The following PRMT8 variants were observed in gnomAD, a reference collection of about 807,000 sequenced individuals.
PRMT8 encodes protein arginine N-methyltransferase 8.
In PRMT8, 7 loss-of-function variants were observed where a neutral mutation model predicts 47.1. The ratio of observed to expected loss-of-function variants is 0.15; its 90% confidence interval spans 0.08 to 0.28. The LOEUF is 0.28. PRMT8 is among the 10% of genes least tolerant of loss of function. PRMT8 has a pLI of 1.00. For synonymous variants in PRMT8, 188 were observed against 186.5 expected, an observed-to-expected ratio of 1.01 and a Z score of -0.07; for missense variants, 237 against 505.4, an observed-to-expected ratio of 0.47 and a Z score of 5.09.
intron 1 of PRMT8, among the ~76,000 whole-genome samples, chr12:3,461,680 GTCCAA>G (rs1865043235): frequency 2.0e-5 from 3 of 150,374 alleles, no homozygotes; most frequent in African/African-American, 7.6e-5. Context: ...CTCAAGAGGA[GTCCAA>G]GCTTCAGACA....
At chr12:3,526,994 G>A (rs74057488) in intron 1 of PRMT8, among the ~76,000 whole-genome samples, 1 of 151,946 alleles carries the variant, frequency 6.6e-6, no homozygotes, top group Non-Finnish European at 1.5e-5. Context: ...GTAATTATTG[G>A]TGCAGTTGGG....
chr12:3,556,110 G>C (rs1056577205), intron 4 of PRMT8, among the ~76,000 whole-genome samples: 5 of 152,162 alleles, frequency 3.3e-5, no homozygotes, highest in African/African-American at 9.7e-5. Flanking sequence ...TGTTAGGTTT[G>C]AGATGCCCAT....
rs752695572 is a variant in PRMT8 at position 3,583,168 on chromosome 12, T to C, written c.939T>C (p.Ile313=). 4 of 1,613,816 alleles carry C rather than the reference T, an allele frequency of 2.5e-6. No individual in the cohort carries two copies. The highest frequency in any genetic ancestry group is 3.4e-6 in the Non-Finnish European group (4 of 1,179,872). Residue 313 remains isoleucine (I), a synonymous_variant, in exon 8 of 10, where the codon ATT becomes ATC. Transcript: ENST00000382622. This position sits in a 1 kb window ranked among gnomAD's most constrained non-coding sequence, Gnocchi z 4.7. ...YVHALVTYFN[I]EFTKCHKKMG... ...ACGCCCTGGTCACCTATTTTAATATTGAATTTACCAAGTGCCACAAGAAAA... is the reference window on the plus strand; with the variant it reads ...ACGCCCTGGTCACCTATTTTAATATCGAATTTACCAAGTGCCACAAGAAAA...
At chr12:3,464,314 G>T (rs1407623006) in intron 1 of PRMT8, among the ~76,000 whole-genome samples, 1 of 151,102 alleles carries the variant, frequency 6.6e-6, no homozygotes, top group Non-Finnish European at 1.5e-5. Flanking sequence ...AGACAGTCAG[G>T]ACCTTCACCT....
chr12:3,386,422 C>T (rs1438179571), intron 1 of PRMT8, among the ~76,000 whole-genome samples: 1 of 152,130 alleles, frequency 6.6e-6, no homozygotes, highest in African/African-American at 2.4e-5. Flanking sequence ...CTTTTCATGC[C>T]AGATTAAATT....
chr12:3,527,153 C>G (rs974841384), intron 1 of PRMT8, among the ~76,000 whole-genome samples: 5 of 152,054 alleles, frequency 3.3e-5, no homozygotes, highest in Non-Finnish European at 5.9e-5. Flanking sequence ...ATGTATTGAA[C>G]TTATCATCAT....
intron 1 of PRMT8, among the ~76,000 whole-genome samples, chr12:3,442,934 G>A (rs1426985538): frequency 6.6e-6 from 1 of 152,130 alleles, no homozygotes; most frequent in African/African-American, 2.4e-5. Flanking sequence ...TGGGATTATA[G>A]GTGTGAGCCA....
chr12:3,563,110 G>A (rs1322489226), intron 4 of PRMT8, among the ~76,000 whole-genome samples: 1 of 152,024 alleles, frequency 6.6e-6, no homozygotes, highest in African/African-American at 2.4e-5. Context: ...AGTGGTGGGT[G>A]ATGATCTCGG....
chr12:3,568,491 A>G (rs902831698), intron 4 of PRMT8, among the ~76,000 whole-genome samples: 2 of 152,270 alleles, frequency 1.3e-5, no homozygotes, highest in Non-Finnish European at 2.9e-5. Flanking sequence ...TATGCCAGGC[A>G]CATAGTAATG....
At chr12:3,528,191 T>G (rs900721109) in intron 1 of PRMT8, among the ~76,000 whole-genome samples, 2 of 152,298 alleles carry the variant, frequency 1.3e-5, no homozygotes. Context: ...GATCTGTGGG[T>G]TTATGATTTT....
intron 1 of PRMT8, among the ~76,000 whole-genome samples, chr12:3,466,230 G>A (rs1252546361): frequency 6.6e-6 from 1 of 152,190 alleles, no homozygotes; most frequent in Non-Finnish European, 1.5e-5. Flanking sequence ...AAACTGAGAG[G>A]TGAGACCGGA....
intron 1 of PRMT8, among the ~76,000 whole-genome samples, chr12:3,392,852 T>C (rs1864208803): frequency 6.6e-6 from 1 of 152,146 alleles, no homozygotes. Flanking sequence ...TTCCTATTTC[T>C]CCACATCCTC....
At chr12:3,555,126 C>A (rs1245880362) in intron 4 of PRMT8, among the ~76,000 whole-genome samples, 1 of 152,222 alleles carries the variant, frequency 6.6e-6, no homozygotes, top group East Asian at 1.9e-4. Flanking sequence ...GAGCAGGGAA[C>A]AAGACAGGTA....
chr12:3,480,963 T>C (rs7980685), intron 1 of PRMT8, among the ~76,000 whole-genome samples: 16,132 of 152,250 alleles, frequency 0.11, 942 homozygotes, highest in African/African-American at 0.14. Context: ...AGAGCTGATA[T>C]CCACAAGAGG....
intron 4 of PRMT8, among the ~76,000 whole-genome samples, chr12:3,558,961 CCTAT>C (rs61644721): frequency 0.019 from 2,910 of 150,088 alleles, 36 homozygotes; most frequent in Middle Eastern, 0.037. Context: ...TATCTATCTA[CCTAT>C]CTATCTATCT....
chr12:3,461,196 G>A (rs1865036988), intron 1 of PRMT8, among the ~76,000 whole-genome samples: 1 of 152,204 alleles, frequency 6.6e-6, no homozygotes, highest in Admixed American at 6.5e-5. Flanking sequence ...CTCAGGTTCA[G>A]AGATGCACAA....
At chr12:3,505,839 A>T (rs905883128) in intron 1 of PRMT8, among the ~76,000 whole-genome samples, 1 of 152,186 alleles carries the variant, frequency 6.6e-6, no homozygotes, top group African/African-American at 2.4e-5. Flanking sequence ...ACGTGTGGAA[A>T]CGAGCCTATA....
rs376502051 is a variant in PRMT8 at position 3,413,988 on chromosome 12, G to A, written c.48+32546G>A. 2.0e-5 allele frequency among the ~76,000 whole-genome samples: 3 copies of A among 152,222 alleles called. 1 individual carries two copies. Among genetic ancestry groups the A allele is most frequent in the Admixed American group, 6.5e-5 (1 of 15,294 alleles). On this transcript the variant is annotated intron_variant, in intron 1 of 9. Transcript: ENST00000452611. The stretch of plus-strand genomic sequence containing the variant: ...GGACCAAATCCCCCATAGATACAGA[G>A]GGATGACTGATTTATGTATCGAAAG...
At chr12:3,449,694 C>G (rs1422209191) in intron 1 of PRMT8, among the ~76,000 whole-genome samples, 1 of 152,140 alleles carries the variant, frequency 6.6e-6, no homozygotes, top group Non-Finnish European at 1.5e-5. Flanking sequence ...TCTGTTCACT[C>G]TGATGATAGT....
Sources: gnomAD v4.1 joint callset for allele counts (sites outside exome capture counted in the v4.1 genomes callset) on GRCh38, gnomAD v4.1.1 for gene constraint, Gnocchi (gnomAD v3.1) non-coding constraint, MANE v1.5 for transcripts, NCBI Gene and HGNC (gene_info 2026-07-23, HGNC 2026-07-21) for gene names.